Variants in PTPRG observed in about 807,000 individuals in gnomAD.
PTPRG encodes protein tyrosine phosphatase receptor type G.
Under a neutral mutation model 165.3 loss-of-function variants are expected in PTPRG, and 102 were observed. The observed-to-expected ratio is 0.62, with a 90% CI of 0.53 to 0.73. The LOEUF (loss-of-function observed/expected upper bound fraction) is 0.73, where lower values mean the gene tolerates loss of function less well. PTPRG is among the 30% of genes least tolerant of loss of function. PTPRG has a pLI of 0.00. For missense variants in PTPRG, 1,866 were observed against 1,861.4 expected (o/e 1.00, Z -0.05); for synonymous variants, 675 against 669.5 (o/e 1.01, Z -0.13).
At chr3:62,274,886 TCTGC>T (rs1400813251) in intron 23 of PTPRG, among the ~76,000 whole-genome samples, 1 of 152,188 alleles carries the variant, frequency 6.6e-6, no homozygotes, top group Non-Finnish European at 1.5e-5. Context: ...TTTCTTAAAT[TCTGC>T]CTTTTTCGTT....
intron 17 of PTPRG, chr3:62,263,495 C>G (rs560319626): frequency 1.3e-5 from 2 of 152,482 alleles, no homozygotes; most frequent in African/African-American, 4.8e-5. Context: ...GGCTAGAAGA[C>G]CACATTTCAC....
At chr3:62,124,406 A>G in intron 5 of PTPRG, 1 of 1,613,940 alleles carries the variant, frequency 6.2e-7, no homozygotes, top group Admixed American at 1.7e-5. Context: ...GTAGTCGATG[A>G]CGTGCTGCAG....
chr3:62,090,048 T>C (rs574073284), intron 5 of PTPRG, among the ~76,000 whole-genome samples: 1 of 152,238 alleles, frequency 6.6e-6, no homozygotes, highest in Non-Finnish European at 1.5e-5. Context: ...AGGACTCTTA[T>C]GTGTTCACAC....
At chr3:61,800,389 T>A (rs987740226) in intron 2 of PTPRG, among the ~76,000 whole-genome samples, 2 of 151,786 alleles carry the variant, frequency 1.3e-5, no homozygotes, top group East Asian at 3.9e-4. Context: ...GATAAAGAGT[T>A]TTTACTTGAA....
At chr3:61,575,598 CTTTTTT>C (rs34363041) in intron 1 of PTPRG, among the ~76,000 whole-genome samples, 54 of 117,302 alleles carry the variant, frequency 4.6e-4, no homozygotes, top group Middle Eastern at 5.0e-3. Flanking sequence ...GCACACAGAA[CTTTTTT>C]TTTTTTTTTT....
At chr3:61,679,527 G>A (rs1703354384) in intron 1 of PTPRG, among the ~76,000 whole-genome samples, 2 of 152,154 alleles carry the variant, frequency 1.3e-5, no homozygotes, top group African/African-American at 4.8e-5. Flanking sequence ...GCTCACGTCT[G>A]TAATCCCAGC....
chr3:61,752,784 T>TAAAAAAAAA (rs1361659640), intron 2 of PTPRG, among the ~76,000 whole-genome samples: 1 of 1,470 alleles, frequency 6.8e-4, no homozygotes. Flanking sequence ...CAAGACTGTC[T>TAAAAAAAAA]CAAAAAAAAA....
At chr3:62,166,310 T>C (rs1300033443) in intron 7 of PTPRG, among the ~76,000 whole-genome samples, 1 of 146,452 alleles carries the variant, frequency 6.8e-6, no homozygotes, top group African/African-American at 2.5e-5. Context: ...TCATATGTAA[T>C]AGAATTACTT....
At chr3:62,171,721 G>C (rs1451540133) in intron 8 of PTPRG, among the ~76,000 whole-genome samples, 1 of 151,502 alleles carries the variant, frequency 6.6e-6, no homozygotes, top group Non-Finnish European at 1.5e-5. Flanking sequence ...TTTAATAACA[G>C]CTTTATTGAG....
At chr3:61,842,684 C>CAAAAAAAAAAAAAA (rs199500194) in intron 2 of PTPRG, among the ~76,000 whole-genome samples, 2 of 121,636 alleles carry the variant, frequency 1.6e-5, no homozygotes, top group Non-Finnish European at 3.4e-5. Context: ...GTATGTGTGG[C>CAAAAAAAAAAAAAA]AAAAAAAAAA....
intron 1 of PTPRG, among the ~76,000 whole-genome samples, chr3:61,621,045 A>ATGTG (rs1414471842): frequency 3.7e-4 from 29 of 77,538 alleles, no homozygotes; most frequent in Middle Eastern, 6.0e-3. Context: ...ATATATATAT[A>ATGTG]TATATATGTG....
At chr3:62,277,795 AT>A in intron 26 of PTPRG, 116 bp downstream of exon 26, 1 of 1,308,434 alleles carries the variant, frequency 7.6e-7, no homozygotes, top group Non-Finnish European at 1.0e-6. Context: ...GGAATTTAAA[AT>A]TTTTAAATTC....
chr3:61,796,532 C>T lies in PTPRG; in HGVS notation c.190+47550C>T, dbSNP rs180860327. Among the ~76,000 whole-genome samples the T allele has an allele frequency of 2.4e-4, 36 of 152,310 alleles. No homozygotes were observed. The East Asian group carries it at 6.0e-3, about 25-fold the overall frequency. On this transcript the variant is annotated intron_variant, in intron 2 of 29. Coordinates refer to ENST00000474889, the MANE Select transcript of PTPRG (RefSeq NM_002841.4). The stretch of plus-strand genomic sequence containing the variant: ...CCTAGGAAGGACAAAGTCTGCATGA[C>T]GCTCTGTGGTGCTTTGTGTGCAAGT...
At chr3:62,039,039 A>G (rs879420435) in intron 4 of PTPRG, among the ~76,000 whole-genome samples, 7 of 152,106 alleles carry the variant, frequency 4.6e-5, no homozygotes, top group Non-Finnish European at 8.8e-5. Context: ...GGTTCAGGCA[A>G]TTCTCTTGCT....
At chr3:61,656,476 G>C (rs1296581467) in intron 1 of PTPRG, among the ~76,000 whole-genome samples, 1 of 152,182 alleles carries the variant, frequency 6.6e-6, no homozygotes. Context: ...GTGATGAGTG[G>C]ATTTCCAGAG....
At chr3:61,688,074 G>A (rs1703695539) in intron 1 of PTPRG, among the ~76,000 whole-genome samples, 1 of 152,186 alleles carries the variant, frequency 6.6e-6, no homozygotes, top group South Asian at 2.1e-4. Flanking sequence ...TCCTGAGTGT[G>A]GCTGACATCA....
intron 4 of PTPRG, among the ~76,000 whole-genome samples, chr3:62,075,404 A>C (rs560971144): frequency 1.3e-5 from 2 of 152,244 alleles, no homozygotes; most frequent in Non-Finnish European, 2.9e-5. Context: ...ATATTAAACC[A>C]TTCTAATCTG....
intron 1 of PTPRG, among the ~76,000 whole-genome samples, chr3:61,722,619 A>C (rs568644721): frequency 6.6e-6 from 1 of 152,318 alleles, no homozygotes; most frequent in Non-Finnish European, 1.5e-5. Context: ...GCAACTATAT[A>C]AAATATGAAA....
intron 1 of PTPRG, among the ~76,000 whole-genome samples, chr3:61,638,949 G>T (rs1247617338): frequency 6.6e-6 from 1 of 151,966 alleles, no homozygotes. Flanking sequence ...TGTTTTTATT[G>T]CAATTGCTTT....
Sources: allele counts gnomAD v4.1 joint callset (sites outside exome capture counted in the v4.1 genomes callset), GRCh38; gene constraint gnomAD v4.1.1; transcripts MANE v1.5; gene names NCBI Gene and HGNC (gene_info 2026-07-23, HGNC 2026-07-21).